Variants in A4GALT observed in about 807,000 individuals in gnomAD.
The protein encoded by A4GALT is alpha 1,4-galactosyltransferase (P1PK blood group), also known as lactosylceramide 4-alpha-galactosyltransferase.
For missense variants in A4GALT, 512 were observed against 486.0 expected (o/e 1.05, Z -0.50); for synonymous variants, 257 against 220.7 (o/e 1.16, Z -1.46).
chr22:42,717,729 ATCTC>A (rs1252544464), intron 1 of A4GALT, among the ~76,000 whole-genome samples: 4 of 152,164 alleles, frequency 2.6e-5, no homozygotes, highest in East Asian at 1.9e-4. Flanking sequence ...GCTCCTCTCT[ATCTC>A]TCTGTCTCAC....
chr22:42,709,644 G>A (rs991779986), intron 1 of A4GALT, among the ~76,000 whole-genome samples: 1 of 151,958 alleles, frequency 6.6e-6, no homozygotes, highest in Non-Finnish European at 1.5e-5. Context: ...ACAAAAATTA[G>A]CCCAGTGTGG....
chr22:42,704,906 C>G (rs889922123), intron 1 of A4GALT, among the ~76,000 whole-genome samples: 1 of 151,410 alleles, frequency 6.6e-6, no homozygotes, highest in East Asian at 1.9e-4. Flanking sequence ...GGCGGGGGAG[C>G]TCAAGAGTGG....
At chr22:42,706,048 T>C (rs1402486077) in intron 1 of A4GALT, among the ~76,000 whole-genome samples, 17 of 36,318 alleles carry the variant, frequency 4.7e-4, no homozygotes, top group South Asian at 1.1e-3. Flanking sequence ...AGACTACATC[T>C]CAAAAAAAAA....
At chr22:42,720,331 C>T (rs1486945686) in intron 1 of A4GALT, among the ~76,000 whole-genome samples, 5 of 127,380 alleles carry the variant, frequency 3.9e-5, no homozygotes, top group African/African-American at 5.7e-5. Context: ...TCCTGCCGGC[C>T]GCTCTCCATC....
chr22:42,718,626 C>T (rs1036761638), intron 1 of A4GALT: 7 of 152,346 alleles, frequency 4.6e-5, no homozygotes, highest in Admixed American at 1.3e-4. Context: ...TAGTTGTCTT[C>T]AAGTATGCAA....
chr22:42,715,866 CT>C, intron 1 of A4GALT, among the ~76,000 whole-genome samples: 1 of 139,782 alleles, frequency 7.2e-6, no homozygotes, highest in Admixed American at 7.1e-5. Flanking sequence ...GAGTTTCGCT[CT>C]TTTTGCCCAG....
At position 42,693,108 on chromosome 22, in the gene A4GALT, CA is replaced by C. The variant is rs1398859071; in HGVS notation, c.843del (p.Glu282ArgfsTer68). ...RACRGVTTLP[P>X]EAFYPIPWQD... ...TGCCAGGGGATGGGGTAGAAGGCCT[CA>C]GGGGGCAGGGTGGTGACGCCGCGGC... is the stretch of plus-strand genomic sequence containing the variant. On this transcript the variant is annotated frameshift_variant, in exon 3 of 3. Coordinates refer to ENST00000642412, the MANE Select transcript of A4GALT (RefSeq NM_017436.7). LOFTEE classifies it high-confidence loss of function. 6.2e-7 allele frequency: 1 copy of C among 1,611,686 alleles called. No homozygotes were observed. The highest frequency in any genetic ancestry group is 2.2e-5 in the East Asian group (1 of 44,800).
At chr22:42,700,978 C>T (rs1356149925) in intron 1 of A4GALT, among the ~76,000 whole-genome samples, 3 of 152,158 alleles carry the variant, frequency 2.0e-5, no homozygotes, top group African/African-American at 7.2e-5. Context: ...TTATCATGCT[C>T]CCAGTCCCAC....
chr22:42,713,463 T>C (rs1348720213), intron 1 of A4GALT, among the ~76,000 whole-genome samples: 1 of 152,210 alleles, frequency 6.6e-6, no homozygotes, highest in African/African-American at 2.4e-5. Flanking sequence ...AAGAGAAGGA[T>C]TGTCTTTGGC....
chr22:42,698,583 C>A (rs1422849530), intron 1 of A4GALT, among the ~76,000 whole-genome samples: 4 of 152,316 alleles, frequency 2.6e-5, no homozygotes, highest in South Asian at 4.1e-4. Context: ...CAGAGAGGCT[C>A]CCAGAGCACC....
intron 1 of A4GALT, among the ~76,000 whole-genome samples, chr22:42,697,437 T>A (rs1931013967): frequency 6.6e-6 from 1 of 152,106 alleles, no homozygotes. Context: ...TAACCCCATG[T>A]GAACCACGCG....
At chr22:42,705,757 CT>C (rs540702675) in intron 1 of A4GALT, among the ~76,000 whole-genome samples, 1 of 125,100 alleles carries the variant, frequency 8.0e-6, no homozygotes, top group East Asian at 2.1e-4. Flanking sequence ...AATCCCAGCA[CT>C]TTAATAGGCC....
Position 42,693,744 on chromosome 22 carries a change from G to A in A4GALT, c.208C>T (p.Pro70Ser). The change falls in exon 3 of 3, where the codon CCC (proline) becomes TCC (serine). Residue 70 changes from proline (P) to serine (S), a missense_variant. Transcript: ENST00000642412. ...PCPTLTPPTP[P>S]SHGPTPGNIF... is the part of the protein sequence containing the mutation. ...TTGCCTGGAGTGGGGCCGTGGGAGG[G>A]TGGGGTGGGGGGTGTCAAGGTGGGG... The A allele has an allele frequency of 6.2e-7, 1 of 1,608,410 alleles. No individual in the cohort carries two copies. The highest frequency in any genetic ancestry group is 2.2e-5 in the East Asian group (1 of 44,710).
chr22:42,709,067 A>ATATTTTTTT (rs1180529043), intron 1 of A4GALT, among the ~76,000 whole-genome samples: 4 of 128,832 alleles, frequency 3.1e-5, no homozygotes, highest in Non-Finnish European at 5.0e-5. Flanking sequence ...ATATATATAT[A>ATATTTTTTT]TTTTTTTTAA....
intron 1 of A4GALT, among the ~76,000 whole-genome samples, chr22:42,702,571 G>A (rs954784854): frequency 6.6e-6 from 1 of 152,094 alleles, no homozygotes; most frequent in Admixed American, 6.5e-5. Flanking sequence ...TCCTGACCTC[G>A]GGTGATCCGC....
chr22:42,694,036 G>A lies in A4GALT; in HGVS notation c.-46-39C>T, dbSNP rs1930739179. 7 of 1,245,250 alleles carry A rather than the reference G, an allele frequency of 5.6e-6. No homozygotes were observed. The South Asian group carries it at 7.8e-5, about 14-fold the overall frequency. The allele number at this position is 1,245,250 out of a possible 1,614,324, so 77.1% of individuals were successfully genotyped here. On this transcript the variant is annotated intron_variant, in intron 2 of 2. Coordinates refer to ENST00000642412, the MANE Select transcript of A4GALT (RefSeq NM_017436.7). The stretch of plus-strand genomic sequence containing the variant: ...GCACCCGCCATCAGGGAGGCCGTTG[G>A]CATTCCCGATCCACAAGGAAAACGC...
At chr22:42,708,520 A>T (rs2147016366) in intron 1 of A4GALT, among the ~76,000 whole-genome samples, 1 of 144,772 alleles carries the variant, frequency 6.9e-6, no homozygotes, top group Middle Eastern at 3.4e-3. Flanking sequence ...ACACGGCAAG[A>T]CCCTGTTTTG....
At chr22:42,713,600 T>A (rs531898259) in intron 1 of A4GALT, among the ~76,000 whole-genome samples, 114 of 141,060 alleles carry the variant, frequency 8.1e-4, no homozygotes, top group Non-Finnish European at 1.3e-3. Context: ...TCACCTGAGG[T>A]TAGGAGTTCG....
chr22:42,693,328 C>T lies in A4GALT; in HGVS notation c.624G>A (p.Leu208=). 6.2e-7 allele frequency: 1 copy of T among 1,613,176 alleles called. No homozygotes were observed. Among genetic ancestry groups the T allele is most frequent in the Non-Finnish European group, 8.5e-7 (1 of 1,180,002 alleles). The change falls in exon 3 of 3, where the codon CTG becomes CTA. Residue 208 remains leucine (L), a synonymous_variant. Coordinates refer to ENST00000642412, the MANE Select transcript of A4GALT (RefSeq NM_017436.7). ...LKNLRNLTNV[L]GTQSRYVLNG... ...TGAGGACGTAGCGGGACTGGGTGCC[C>T]AGCACGTTGGTCAGGTTCCGCAGGT...
Sources: allele counts gnomAD v4.1 joint callset (sites outside exome capture counted in the v4.1 genomes callset), GRCh38; gene constraint gnomAD v4.1.1; transcripts MANE v1.5; gene names NCBI Gene and HGNC (gene_info 2026-07-23, HGNC 2026-07-21).